The following XIST variants were observed in gnomAD, a reference collection of about 807,000 sequenced individuals.
The protein encoded by XIST is X inactive specific transcript.
exon 6 of XIST, chrX:73,823,315 T>C (rs1473772687): frequency 1.0e-5 from 5 of 477,197 alleles, no homozygotes; most frequent in Non-Finnish European, 1.8e-5. Context: ...CTTTCTTTTT[T>C]TTTTTTTTTT....
chrX:73,851,644 C>G (rs769806628), exon 1 of XIST: 1 of 558,811 alleles, frequency 1.8e-6, no homozygotes, highest in Non-Finnish European at 3.2e-6. Flanking sequence ...TACTGCCTCC[C>G]GATACAACAA....
intron 1 of XIST, among the ~76,000 whole-genome samples, chrX:73,840,530 G>A (rs1922567229): frequency 9.0e-6 from 1 of 111,633 alleles, no homozygotes; most frequent in South Asian, 3.8e-4. Context: ...AAGGTGGGAG[G>A]AAAGAAGGTA....
exon 1 of XIST, chrX:73,851,480 G>A (rs905097367): frequency 3.6e-6 from 2 of 557,229 alleles, no homozygotes; most frequent in African/African-American, 2.2e-5. Flanking sequence ...CACTGCGACA[G>A]AACTGGATCC....
exon 1 of XIST, chrX:73,847,274 T>G (rs769287204): frequency 1.1e-5 from 6 of 555,177 alleles, no homozygotes; most frequent in Non-Finnish European, 2.0e-5. Context: ...TACTCTAACA[T>G]AGGGGCACAT....
At chrX:73,842,667 T>A (rs376573756) in exon 1 of XIST, 1 of 558,212 alleles carries the variant, frequency 1.8e-6, no homozygotes. Context: ...GTAGTCAGCA[T>A]ACTCAGAAGC....
chrX:73,834,850 G>A (rs1191391017), intron 2 of XIST, among the ~76,000 whole-genome samples: 3 of 71,052 alleles, frequency 4.2e-5, no homozygotes, highest in Non-Finnish European at 7.7e-5. Flanking sequence ...GCTGGGGGCG[G>A]GGGGTGGGGG....
exon 6 of XIST, chrX:73,823,975 T>C (rs758373610): frequency 9.1e-6 from 5 of 551,163 alleles, no homozygotes; most frequent in Non-Finnish European, 3.3e-6. Flanking sequence ...TATAGAACTG[T>C]AGGCTTTGTA....
chrX:73,825,766 A>G (rs762440576), exon 6 of XIST: 11 of 516,915 alleles, frequency 2.1e-5, no homozygotes, highest in Non-Finnish European at 3.8e-5. Context: ...TTTACACTGC[A>G]CTTTCAAATG....
exon 6 of XIST, chrX:73,823,703 A>C (rs1309343439): frequency 1.8e-6 from 1 of 556,840 alleles, no homozygotes; most frequent in East Asian, 3.3e-5. Flanking sequence ...CAATCAGGCC[A>C]GGAAGCATGT....
intron 2 of XIST, among the ~76,000 whole-genome samples, chrX:73,836,522 T>C (rs1357822561): frequency 9.0e-6 from 1 of 110,958 alleles, no homozygotes; most frequent in Non-Finnish European, 1.9e-5. Context: ...ATGATTAGAG[T>C]TGGAGACGTA....
At chrX:73,824,703 C>A in exon 6 of XIST, 1 of 558,328 alleles carries the variant, frequency 1.8e-6, no homozygotes, top group Non-Finnish European at 3.2e-6. Flanking sequence ...AAAGCACATT[C>A]GCAAGCTGAA....
intron 1 of XIST, among the ~76,000 whole-genome samples, chrX:73,839,141 A>G (rs1922542270): frequency 8.9e-6 from 1 of 111,742 alleles, no homozygotes; most frequent in Non-Finnish European, 1.9e-5. Context: ...TACATTTGAT[A>G]ATCAGGGCAC....
chrX:73,837,656 C>A (rs1366327580), intron 1 of XIST, among the ~76,000 whole-genome samples: 1 of 111,815 alleles, frequency 8.9e-6, no homozygotes, highest in African/African-American at 3.2e-5. Context: ...GTGTGAAGTA[C>A]ACAGAAACTC....
At chrX:73,850,005 C>T in exon 1 of XIST, 1 of 558,410 alleles carries the variant, frequency 1.8e-6, no homozygotes, top group Non-Finnish European at 3.2e-6. Flanking sequence ...TATAATAAGT[C>T]TGAATAGAGG....
chrX:73,842,174 A>T lies in XIST; in HGVS notation n.10550T>A, dbSNP rs779398816. 2.4e-5 allele frequency: 12 copies of T among 510,355 alleles called. No homozygotes were observed. The South Asian group carries it at 3.1e-4, about 13-fold the overall frequency. 42.1% of individuals were successfully genotyped at this position (510,355 alleles called of 1,213,427 possible). Reference sequence around the variant, plus strand: ...ACAATCCAGATGTCTTTCTTAAAAAAATTTTTTTAATAATAATAAGCAATT... The same window carrying T: ...ACAATCCAGATGTCTTTCTTAAAAATATTTTTTTAATAATAATAAGCAATT... On this transcript the variant is annotated non_coding_transcript_exon_variant, in exon 1 of 6. Transcript: ENST00000429829.
chrX:73,828,090 A>T (rs1922304425), intron 5 of XIST: 2 of 437,284 alleles, frequency 4.6e-6, no homozygotes, highest in Admixed American at 8.3e-5. Flanking sequence ...TCACAGAAAG[A>T]TAAAAAAAAT....
intron 2 of XIST, chrX:73,833,485 A>C: frequency 2.3e-6 from 1 of 440,860 alleles, no homozygotes; most frequent in Non-Finnish European, 4.0e-6. Flanking sequence ...GAAGCATTAG[A>C]CATAGGTATC....
At chrX:73,852,208 C>T (rs1922966606) in exon 1 of XIST, 2 of 538,492 alleles carry the variant, frequency 3.7e-6, no homozygotes, top group East Asian at 3.3e-5. Flanking sequence ...GTTGGGGGTT[C>T]AGAGGGGAAG....
exon 1 of XIST, chrX:73,851,038 G>A (rs745971195): frequency 6.6e-5 from 37 of 557,973 alleles, no homozygotes; most frequent in African/African-American, 4.2e-4. Context: ...AATTCACCCA[G>A]GTCTTCGCTG....
Sources: allele counts gnomAD v4.1 joint callset (sites outside exome capture counted in the v4.1 genomes callset), GRCh38; gene constraint gnomAD v4.1.1; transcripts MANE v1.5; gene names NCBI Gene and HGNC (gene_info 2026-07-23, HGNC 2026-07-21).